Variants in TXK observed in about 807,000 individuals in gnomAD.
TXK encodes the protein TXK tyrosine kinase.
In TXK, 60 loss-of-function variants were observed where a neutral mutation model predicts 81.0. The observed-to-expected ratio is 0.74, with a 90% CI of 0.60 to 0.92. The LOEUF is 0.92. Among genes scored for constraint, TXK ranks in the 40% least tolerant of loss-of-function variants. The pLI, the probability that TXK is intolerant of heterozygous loss-of-function variation, is 0.00. For synonymous variants in TXK, 203 were observed against 210.7 expected, an observed-to-expected ratio of 0.96 and a Z score of 0.32; for missense variants, 581 against 638.3, an observed-to-expected ratio of 0.91 and a Z score of 0.97.
At chr4:48,121,040 C>T (rs1718944037) in intron 1 of TXK, among the ~76,000 whole-genome samples, 1 of 152,190 alleles carries the variant, frequency 6.6e-6, no homozygotes, top group Admixed American at 6.5e-5. Flanking sequence ...TTCTCTACCT[C>T]CCTGACCTCT....
chr4:48,081,464 T>C (rs895608006), intron 10 of TXK, among the ~76,000 whole-genome samples: 1 of 152,194 alleles, frequency 6.6e-6, no homozygotes, highest in Non-Finnish European at 1.5e-5. Context: ...TTGTTTGTTA[T>C]AACTCTAGGA....
At chr4:48,085,113 T>C (rs902991580) in intron 10 of TXK, among the ~76,000 whole-genome samples, 4 of 152,190 alleles carry the variant, frequency 2.6e-5, no homozygotes, top group Non-Finnish European at 4.4e-5. Context: ...ATTTGAACTA[T>C]GGTCAAATTA....
chr4:48,083,272 T>A (rs765991941), intron 10 of TXK, among the ~76,000 whole-genome samples: 1 of 152,198 alleles, frequency 6.6e-6, no homozygotes, highest in East Asian at 1.9e-4. Flanking sequence ...TAAAAGGTCA[T>A]AGTGGCTGAC....
intron 5 of TXK, among the ~76,000 whole-genome samples, chr4:48,109,801 G>C (rs900922258): frequency 6.6e-6 from 1 of 152,168 alleles, no homozygotes; most frequent in Non-Finnish European, 1.5e-5. Flanking sequence ...TGTATTTGCT[G>C]CCTGGTTCTC....
intron 1 of TXK, among the ~76,000 whole-genome samples, chr4:48,123,306 ATTT>A (rs1451270888): frequency 2.0e-5 from 3 of 152,156 alleles, no homozygotes; most frequent in African/African-American, 7.2e-5. Context: ...ATGCAAAAGG[ATTT>A]TTATTTCCCC....
At chr4:48,075,981 G>A (rs1337853287) in intron 12 of TXK, among the ~76,000 whole-genome samples, 57 of 152,252 alleles carry the variant, frequency 3.7e-4, no homozygotes, top group Non-Finnish European at 5.9e-5. Flanking sequence ...TCACACTCTT[G>A]AATTTTAGAC....
chr4:48,100,862 G>A (rs1718164061), intron 6 of TXK, among the ~76,000 whole-genome samples: 1 of 152,016 alleles, frequency 6.6e-6, no homozygotes, highest in African/African-American at 2.4e-5. Flanking sequence ...TAAAATGAAG[G>A]AGGACATGTT....
chr4:48,090,938 C>G (rs554285055), intron 8 of TXK, among the ~76,000 whole-genome samples: 5 of 152,308 alleles, frequency 3.3e-5, no homozygotes, highest in Admixed American at 1.3e-4. Flanking sequence ...ACGAGCTTGA[C>G]CAGTGTAAGA....
chr4:48,126,498 G>T (rs550962288), intron 1 of TXK, among the ~76,000 whole-genome samples: 2 of 152,154 alleles, frequency 1.3e-5, no homozygotes, highest in African/African-American at 4.8e-5. Context: ...TGTGTGTGTG[G>T]TTGTTTGTTT....
chr4:48,075,757 G>A (rs1717045675), intron 12 of TXK, among the ~76,000 whole-genome samples: 1 of 152,092 alleles, frequency 6.6e-6, no homozygotes, highest in South Asian at 2.1e-4. Context: ...GATGGTGGCT[G>A]CAATGATGCC....
intron 6 of TXK, among the ~76,000 whole-genome samples, chr4:48,097,610 G>A (rs1718030749): frequency 6.6e-6 from 1 of 151,330 alleles, no homozygotes; most frequent in Non-Finnish European, 1.5e-5. Context: ...GCTAATTTTT[G>A]TATTTTTAGT....
At position 48,086,644 on chromosome 4, in the gene TXK, A is replaced by G; in HGVS notation, c.785-7T>C. 1 of 1,612,560 alleles carries G rather than the reference A, an allele frequency of 6.2e-7. No homozygotes were observed. Among genetic ancestry groups the G allele is most frequent in the Non-Finnish European group, 8.5e-7 (1 of 1,179,048 alleles). ...GGATCTATCTCCCACTTTTCTGAAA[A>G]AGTAAAACATCCATGTTACAAGTAG... On this transcript the variant is annotated splice_region_variant and splice_polypyrimidine_tract_variant and intron_variant, in intron 9 of 14. Transcript: ENST00000264316.
chr4:48,128,128 C>A (rs1719143965), intron 1 of TXK, among the ~76,000 whole-genome samples: 1 of 152,238 alleles, frequency 6.6e-6, no homozygotes, highest in African/African-American at 2.4e-5. Flanking sequence ...ATCGTCACCT[C>A]CAGTTCATCC....
At chr4:48,108,498 G>T (rs1577674376) in intron 5 of TXK, among the ~76,000 whole-genome samples, 2 of 152,200 alleles carry the variant, frequency 1.3e-5, no homozygotes. Context: ...TTTGGACCCA[G>T]GTTGTTCCCA....
At chr4:48,109,621 T>A (rs77965030) in intron 5 of TXK, among the ~76,000 whole-genome samples, 2 of 152,184 alleles carry the variant, frequency 1.3e-5, no homozygotes, top group Admixed American at 6.5e-5. Context: ...CATAGAGTAA[T>A]GTAGATGAGT....
At chr4:48,129,968 C>T (rs1167648966) in intron 1 of TXK, among the ~76,000 whole-genome samples, 1 of 152,244 alleles carries the variant, frequency 6.6e-6, no homozygotes, top group Non-Finnish European at 1.5e-5. Flanking sequence ...CTCACTGACC[C>T]TCGGTGGGCA....
chr4:48,101,688 C>T (rs1256487742), intron 6 of TXK, among the ~76,000 whole-genome samples: 1 of 151,378 alleles, frequency 6.6e-6, no homozygotes, highest in East Asian at 1.9e-4. Context: ...TACACATACA[C>T]ACTCATTTCT....
chr4:48,095,246 A>T (rs780948164), intron 6 of TXK, 24 bp from the exon 7 acceptor site: 1 of 1,578,280 alleles, frequency 6.3e-7, no homozygotes, highest in Non-Finnish European at 8.7e-7. Flanking sequence ...CATTTATTGA[A>T]TAAGTCTATT....
chr4:48,075,605 G>T (rs572432522), intron 12 of TXK, among the ~76,000 whole-genome samples: 13 of 152,108 alleles, frequency 8.5e-5, no homozygotes, highest in Admixed American at 1.3e-4. Flanking sequence ...AGCCGAGAGA[G>T]CACCACTGCA....
Sources: allele counts gnomAD v4.1 joint callset (sites outside exome capture counted in the v4.1 genomes callset), GRCh38; gene constraint gnomAD v4.1.1; transcripts MANE v1.5; gene names NCBI Gene and HGNC (gene_info 2026-07-23, HGNC 2026-07-21).